The following GIMAP5 variants were observed in gnomAD, a reference collection of about 807,000 sequenced individuals.
The protein encoded by GIMAP5 is GTPase, IMAP family member 5.
Under a neutral mutation model 9.9 loss-of-function variants are expected in GIMAP5, and 8 were observed. That is an observed-to-expected ratio of 0.81 (90% CI 0.47 to 1.45). The LOEUF (loss-of-function observed/expected upper bound fraction) is 1.45, where lower values mean the gene tolerates loss of function less well. GIMAP5 is among the 40% of genes most tolerant of loss of function. The pLI is 0.00. For missense variants in GIMAP5, 353 were observed against 367.4 expected, an observed-to-expected ratio of 0.96 and a Z score of 0.32; for synonymous variants, 174 against 151.4, an observed-to-expected ratio of 1.15 and a Z score of -1.09.
intron 2 of GIMAP5, among the ~76,000 whole-genome samples, chr7:150,741,882 G>A (rs924699164): frequency 2.0e-5 from 3 of 152,170 alleles, no homozygotes; most frequent in Non-Finnish European, 4.4e-5. Context: ...CCACGCAGGG[G>A]AAAACACAAG....
chr7:150,740,075 T>G (rs1180444151), intron 1 of GIMAP5: 2 of 152,212 alleles, frequency 1.3e-5, no homozygotes, highest in African/African-American at 4.8e-5. Flanking sequence ...TGGGGACTTC[T>G]TATAAATGGG....
Position 150,737,463 on chromosome 7 carries a change from TG to T in GIMAP5, c.-247del. The T allele has an allele frequency of 6.8e-7, 1 of 1,466,692 alleles. No homozygotes were observed. Among genetic ancestry groups the T allele is most frequent in the Admixed American group, 2.0e-5 (1 of 50,838 alleles). 90.9% of individuals were successfully genotyped at this position (1,466,692 alleles called of 1,614,324 possible). On this transcript the variant is annotated 5_prime_UTR_variant, in exon 1 of 3. Coordinates refer to ENST00000358647, the MANE Select transcript of GIMAP5 (RefSeq NM_018384.5). ...CAGGGTGTCCTAGTCCGCAGAGGTG[TG>T]GGGGACACACTCCATAATCTCTACT... is the stretch of plus-strand genomic sequence containing the variant.
At position 150,741,442 on chromosome 7, in the gene GIMAP5, C is replaced by T. The variant is rs142087359; in HGVS notation, c.43+515C>T. Among the ~76,000 whole-genome samples the T allele has an allele frequency of 1.5e-4, 23 of 152,306 alleles. No homozygotes were observed. In the East Asian group the frequency reaches 4.2e-3, roughly 28 times the overall value. ...TGCCTGAAGATTTTCGCTCCTGCCA[C>T]AGTGTCACCCTCTCCAACACCACTT... On this transcript the variant is annotated intron_variant, in intron 2 of 2. Coordinates refer to ENST00000358647, the MANE Select transcript of GIMAP5 (RefSeq NM_018384.5).
Position 150,742,185 on chromosome 7 carries a change from A to G in GIMAP5, c.46A>G (p.Arg16Gly), listed in dbSNP as rs1797604524. 10 of 1,612,690 alleles carry G rather than the reference A, an allele frequency of 6.2e-6. No individual in the cohort carries two copies. Among genetic ancestry groups the G allele is most frequent in the South Asian group, 2.2e-5 (2 of 91,016 alleles). The change falls in exon 3 of 3, where the codon AGA becomes GGA. Residue 16 changes from arginine to glycine, a missense_variant and splice_region_variant. Transcript: ENST00000358647. ...RGKYGTMAEGRSEDNLSATPP... is the reference protein window; with the variant it reads ...RGKYGTMAEGGSEDNLSATPP... The stretch of plus-strand genomic sequence containing the variant: ...ATACAAAACTTCGTTTTCTACAGGT[A>G]GATCAGAAGATAACTTGTCTGCAAC...
chr7:150,743,189 T>G lies in GIMAP5; in HGVS notation c.*126T>G. ...TGCTTGCTGTCTGTGCAGCTCCCAT[T>G]TCCCCTTCTTCCTGATAGACTTGGA... On this transcript the variant is annotated 3_prime_UTR_variant, in exon 3 of 3. Coordinates refer to ENST00000358647, the MANE Select transcript of GIMAP5 (RefSeq NM_018384.5). The G allele has an allele frequency of 8.2e-7, 1 of 1,219,520 alleles. No homozygotes were observed. 75.5% of individuals were successfully genotyped at this position (1,219,520 alleles called of 1,614,324 possible). A position where few individuals can be genotyped will look rare whatever the true frequency, so the allele number is the denominator to read the frequency against.
At position 150,742,319 on chromosome 7, in the gene GIMAP5, G is replaced by A; in HGVS notation, c.180G>A (p.Gln60=). ...TGTTTGAGTCCAAGCTGAGGGCCCA[G>A]TCAGTGACCAGGACGTGCCAGGTGA... is the stretch of plus-strand genomic sequence containing the variant. ...QPVFESKLRA[Q]SVTRTCQVKT... is the part of the protein sequence containing the mutation. The change falls in exon 3 of 3, where the codon CAG becomes CAA. Residue 60 remains glutamine (Q), a synonymous_variant. Coordinates refer to ENST00000358647, the MANE Select transcript of GIMAP5 (RefSeq NM_018384.5). 2.5e-6 allele frequency: 4 copies of A among 1,614,214 alleles called. No individual in the cohort carries two copies. The highest frequency in any genetic ancestry group is 3.4e-6 in the Non-Finnish European group (4 of 1,180,040).
At chr7:150,737,775 C>A (rs1264988778) in intron 1 of GIMAP5, 67 bp downstream of exon 1, 13 of 1,286,278 alleles carry the variant, frequency 1.0e-5, no homozygotes, top group Non-Finnish European at 1.3e-5. Context: ...TTGGTCACAG[C>A]TGTTCATTTC....
In GIMAP5 at chr7:150,742,421, A is replaced by C. The variant is rs1257153382; in HGVS notation, c.282A>C (p.Gln94His). Reference protein sequence around the residue: ...PSIFESQADTQELYKNIGDCY... With the variant: ...PSIFESQADTHELYKNIGDCY... ...TCTTTGAGTCACAGGCCGATACCCA[A>C]GAGCTGTACAAGAACATCGGGGACT... Residue 94 changes from glutamine to histidine, a missense_variant, in exon 3 of 3, where the codon CAA becomes CAC. Transcript: ENST00000358647. 3.1e-6 allele frequency: 5 copies of C among 1,614,146 alleles called. No homozygotes were observed. In the South Asian group the frequency reaches 5.5e-5, roughly 18 times the overall value.
chr7:150,739,677 A>T (rs1247514789), intron 1 of GIMAP5: 1 of 152,116 alleles, frequency 6.6e-6, no homozygotes, highest in Admixed American at 6.5e-5. Flanking sequence ...GGAGAGAGGA[A>T]AATGTTCTTC....
chr7:150,737,466 G>A lies in GIMAP5; in HGVS notation c.-249G>A, dbSNP rs572158384. On this transcript the variant is annotated 5_prime_UTR_variant, in exon 1 of 3. Coordinates refer to ENST00000358647, the MANE Select transcript of GIMAP5 (RefSeq NM_018384.5). ...GGTGTCCTAGTCCGCAGAGGTGTGG[G>A]GGACACACTCCATAATCTCTACTTT... is the stretch of plus-strand genomic sequence containing the variant. The A allele has an allele frequency of 4.1e-6, 6 of 1,480,368 alleles. No homozygotes were observed. In the South Asian group the frequency reaches 4.8e-5, roughly 12 times the overall value. 91.7% of individuals were successfully genotyped at this position (1,480,368 alleles called of 1,614,324 possible).
intron 2 of GIMAP5, among the ~76,000 whole-genome samples, chr7:150,741,482 T>A (rs1280557408): frequency 6.6e-6 from 1 of 152,214 alleles, no homozygotes; most frequent in Non-Finnish European, 1.5e-5. Context: ...TATAATTTTG[T>A]GTGCTTCAAT....
chr7:150,740,740 A>C (rs1797582035), intron 1 of GIMAP5, 139 bp from the exon 2 acceptor site: 1 of 760,710 alleles, frequency 1.3e-6, no homozygotes, highest in African/African-American at 1.8e-5. Context: ...TTCAAAGTAA[A>C]GTATGAGTTA....
At chr7:150,741,314 A>G (rs1025874227) in intron 2 of GIMAP5, among the ~76,000 whole-genome samples, 1 of 152,156 alleles carries the variant, frequency 6.6e-6, no homozygotes, top group Non-Finnish European at 1.5e-5. Flanking sequence ...GAAAACGAAG[A>G]ACCAACCCAG....
intron 2 of GIMAP5, among the ~76,000 whole-genome samples, chr7:150,741,247 G>T (rs1387726462): frequency 6.8e-6 from 1 of 148,100 alleles, no homozygotes; most frequent in East Asian, 2.0e-4. Flanking sequence ...AAAAAGAAAA[G>T]GTCCCCATAG....
Position 150,737,472 on chromosome 7 carries a change from C to A in GIMAP5, c.-243C>A. 6.7e-7 allele frequency: 1 copy of A among 1,502,708 alleles called. No homozygotes were observed. The highest frequency in any genetic ancestry group is 9.0e-7 in the Non-Finnish European group (1 of 1,117,134). The allele number at this position is 1,502,708 out of a possible 1,614,324, so 93.1% of individuals were successfully genotyped here. On this transcript the variant is annotated 5_prime_UTR_variant, in exon 1 of 3. Transcript: ENST00000358647. The stretch of plus-strand genomic sequence containing the variant: ...CTAGTCCGCAGAGGTGTGGGGGACA[C>A]ACTCCATAATCTCTACTTTTCTTTT...
intron 2 of GIMAP5, among the ~76,000 whole-genome samples, chr7:150,741,763 A>C (rs1003698592): frequency 6.6e-6 from 1 of 152,174 alleles, no homozygotes; most frequent in Admixed American, 6.5e-5. Context: ...GTGTCTATAC[A>C]AGTGTGCCTG....
chr7:150,738,169 C>G (rs1187841724), intron 1 of GIMAP5: 1 of 165,210 alleles, frequency 6.1e-6, no homozygotes, highest in African/African-American at 2.4e-5. Context: ...ATGTCTCAGA[C>G]AAGCCTGGGA....
chr7:150,737,795 C>G, intron 1 of GIMAP5, 87 bp downstream of exon 1: 2 of 1,082,710 alleles, frequency 1.8e-6, no homozygotes, highest in Admixed American at 2.1e-5. Context: ...CTGACATGAC[C>G]TTGCACAGAT....
chr7:150,739,025 C>T (rs376105488), intron 1 of GIMAP5: 9 of 152,196 alleles, frequency 5.9e-5, no homozygotes, highest in East Asian at 3.8e-4. Context: ...GCTTTTGTGA[C>T]AGGCAATTGG....
Sources: allele counts gnomAD v4.1 joint callset (sites outside exome capture counted in the v4.1 genomes callset), GRCh38; gene constraint gnomAD v4.1.1; transcripts MANE v1.5; gene names NCBI Gene and HGNC (gene_info 2026-07-23, HGNC 2026-07-21).